HORMAD2: variants seen among roughly 807,000 people sequenced by gnomAD.
The protein encoded by HORMAD2 is HORMA domain-containing protein 2.
In HORMAD2, 45 loss-of-function variants were observed where a neutral mutation model predicts 38.8. The ratio of observed to expected loss-of-function variants is 1.16; its 90% CI spans 0.91 to 1.49. HORMAD2 has a LOEUF of 1.49. Among genes scored for constraint, HORMAD2 ranks in the 40% most tolerant of loss-of-function variants. The pLI is 0.00. For synonymous variants in HORMAD2, 126 were observed against 122.8 expected (o/e 1.03, Z -0.17); for missense variants, 338 against 367.0 (o/e 0.92, Z 0.65).
At chr22:30,111,226 C>T (rs1921627041) in intron 5 of HORMAD2, among the ~76,000 whole-genome samples, 1 of 151,846 alleles carries the variant, frequency 6.6e-6, no homozygotes, top group South Asian at 2.1e-4. Context: ...TGGCTCATGC[C>T]TGTAATTCCA....
the HORMAD2 span, among the ~76,000 whole-genome samples, chr22:30,203,858 A>G: frequency 6.6e-6 from 1 of 152,130 alleles, no homozygotes; most frequent in Non-Finnish European, 1.5e-5. Flanking sequence ...TGCACCTTAC[A>G]TCTTCACACA....
chr22:30,205,061 CTG>C, the HORMAD2 span, among the ~76,000 whole-genome samples: 1 of 152,202 alleles, frequency 6.6e-6, no homozygotes, highest in Non-Finnish European at 1.5e-5. Flanking sequence ...CAGTTTCTCT[CTG>C]TGAGGCGGGC....
chr22:30,135,395 GGA>G (rs1463217440), intron 10 of HORMAD2, among the ~76,000 whole-genome samples: 1 of 151,778 alleles, frequency 6.6e-6, no homozygotes, highest in African/African-American at 2.4e-5. Flanking sequence ...ACTGGTTCAG[GGA>G]GAGAGAACCC....
downstream of HORMAD2, among the ~76,000 whole-genome samples, chr22:30,180,254 T>C (rs372002591): frequency 6.6e-6 from 1 of 152,138 alleles, no homozygotes; most frequent in East Asian, 1.9e-4. Context: ...GGTTTTTCCA[T>C]GGCAGGAGTG....
chr22:30,173,258 G>A (rs371904748), intron 10 of HORMAD2, among the ~76,000 whole-genome samples: 47 of 152,358 alleles, frequency 3.1e-4, no homozygotes, highest in African/African-American at 1.1e-3. Flanking sequence ...GACTGATGAA[G>A]CAGAAGAGCG....
At chr22:30,136,521 G>T (rs959369891) in intron 10 of HORMAD2, among the ~76,000 whole-genome samples, 2 of 151,822 alleles carry the variant, frequency 1.3e-5, no homozygotes, top group Middle Eastern at 3.5e-3. Context: ...CTCCAGATTC[G>T]CCTATTATGA....
At chr22:30,093,135 C>G (rs2068721596) in intron 1 of HORMAD2, among the ~76,000 whole-genome samples, 1 of 152,070 alleles carries the variant, frequency 6.6e-6, no homozygotes, top group Non-Finnish European at 1.5e-5. Context: ...TACGGGATGC[C>G]TTTCCATCTT....
At chr22:30,108,936 CCTT>C (rs761040943) in intron 5 of HORMAD2, among the ~76,000 whole-genome samples, 192 of 150,586 alleles carry the variant, frequency 1.3e-3, no homozygotes, top group Non-Finnish European at 2.2e-3. Context: ...CTCCCTCCCT[CCTT>C]CTTTCCTTCC....
chr22:30,088,668 A>T (rs1016965404), intron 1 of HORMAD2, among the ~76,000 whole-genome samples: 2 of 151,344 alleles, frequency 1.3e-5, no homozygotes, highest in Non-Finnish European at 2.9e-5. Context: ...TTTATTAATT[A>T]AAAAAGTTAA....
At chr22:30,086,642 C>A (rs921431178) in intron 1 of HORMAD2, among the ~76,000 whole-genome samples, 2 of 152,040 alleles carry the variant, frequency 1.3e-5, no homozygotes, top group African/African-American at 4.8e-5. Flanking sequence ...ACTCTGGCTG[C>A]AATATACAGA....
chr22:30,089,784 A>G (rs558035939), intron 1 of HORMAD2, among the ~76,000 whole-genome samples: 8 of 152,358 alleles, frequency 5.3e-5, no homozygotes, highest in Non-Finnish European at 1.0e-4. Flanking sequence ...CAGTGACACT[A>G]AGCACATTTG....
the HORMAD2 span, among the ~76,000 whole-genome samples, chr22:30,191,507 G>T: frequency 6.6e-6 from 1 of 152,222 alleles, no homozygotes; most frequent in Non-Finnish European, 1.5e-5. Flanking sequence ...TTTATTTGCA[G>T]TTGGGAGGAA....
At chr22:30,158,611 G>C (rs56092518) in intron 10 of HORMAD2, among the ~76,000 whole-genome samples, 29 of 44,474 alleles carry the variant, frequency 6.5e-4, no homozygotes, top group South Asian at 2.1e-3. Flanking sequence ...CCCTCCCTCC[G>C]TCCCTCCCTC....
downstream of HORMAD2, among the ~76,000 whole-genome samples, chr22:30,178,036 C>T (rs1036073966): frequency 2.0e-5 from 3 of 152,104 alleles, no homozygotes; most frequent in African/African-American, 4.8e-5. Context: ...AGATGGGCTA[C>T]CTTGTGAGTT....
In HORMAD2 at chr22:30,176,317, A is replaced by G. The variant is rs891670929; in HGVS notation, c.*150A>G. On this transcript the variant is annotated 3_prime_UTR_variant, in exon 11 of 11. Transcript: ENST00000336726. ...TTTTTTGTCAGTTGCTAAGTGCTAAATTACTGGCCAGGTAGGACGCGAGTC... is the reference window on the plus strand; with the variant it reads ...TTTTTTGTCAGTTGCTAAGTGCTAAGTTACTGGCCAGGTAGGACGCGAGTC... The G allele has an allele frequency of 7.0e-4, 421 of 604,616 alleles. 2 individuals are homozygous for G. Among genetic ancestry groups the G allele is most frequent in the Non-Finnish European group, 1.1e-3 (370 of 345,318 alleles). 37.5% of individuals were successfully genotyped at this position (604,616 alleles called of 1,614,324 possible).
At chr22:30,080,548 G>A (rs1444072392) in intron 1 of HORMAD2, 57 bp downstream of exon 1, 1 of 152,314 alleles carries the variant, frequency 6.6e-6, no homozygotes. Context: ...GGCGTTGTTA[G>A]TTCTGTCTTT....
At chr22:30,206,472 TTTTG>T in the HORMAD2 span, among the ~76,000 whole-genome samples, 4 of 151,810 alleles carry the variant, frequency 2.6e-5, no homozygotes, top group Non-Finnish European at 5.9e-5. Flanking sequence ...TTATTTTTTG[TTTTG>T]TTTGTTTGTT....
At chr22:30,131,929 T>C (rs1387222078) in intron 10 of HORMAD2, among the ~76,000 whole-genome samples, 2 of 152,222 alleles carry the variant, frequency 1.3e-5, no homozygotes, top group African/African-American at 2.4e-5. Flanking sequence ...AAATGATTTA[T>C]TTGTAAGAAA....
At chr22:30,196,394 G>C in the HORMAD2 span, among the ~76,000 whole-genome samples, 4 of 152,156 alleles carry the variant, frequency 2.6e-5, no homozygotes, top group Admixed American at 2.6e-4. Context: ...CATTGTGTTG[G>C]GGGTGGGGGA....
Sources: allele counts gnomAD v4.1 joint callset (sites outside exome capture counted in the v4.1 genomes callset), GRCh38; gene constraint gnomAD v4.1.1; transcripts MANE v1.5; gene names NCBI Gene and HGNC (gene_info 2026-07-23, HGNC 2026-07-21).